The following SLC22A15 variants were observed in gnomAD, a reference collection of about 807,000 sequenced individuals.
SLC22A15 encodes flipt 1.
SLC22A15 carries 45 observed loss-of-function variants against 62.7 expected under a neutral mutation model. That is an observed-to-expected ratio of 0.72 (90% CI 0.56 to 0.92). The LOEUF is 0.92. SLC22A15 is among the 40% of genes least tolerant of loss of function. SLC22A15 has a pLI of 0.00. For missense variants in SLC22A15, 622 were observed against 665.6 expected, an observed-to-expected ratio of 0.93 and a Z score of 0.72; for synonymous variants, 264 against 267.0, an observed-to-expected ratio of 0.99 and a Z score of 0.11.
At chr1:116,062,927 G>A (rs368023102) in intron 9 of SLC22A15, 45 bp downstream of exon 9, 4 of 1,603,666 alleles carry the variant, frequency 2.5e-6, no homozygotes, top group Non-Finnish European at 3.4e-6. Context: ...TCTACACTTT[G>A]TCATCCATTC....
At chr1:116,045,838 G>T (rs1158284709) in intron 8 of SLC22A15, among the ~76,000 whole-genome samples, 2 of 151,238 alleles carry the variant, frequency 1.3e-5, no homozygotes, top group African/African-American at 4.9e-5. Context: ...ACAGAATTGA[G>T]TATGAAATAG....
chr1:116,041,272 C>T (rs1348827126), intron 8 of SLC22A15, among the ~76,000 whole-genome samples: 1 of 152,130 alleles, frequency 6.6e-6, no homozygotes, highest in Non-Finnish European at 1.5e-5. Flanking sequence ...AGATACTATT[C>T]ATAAACAAAA....
At chr1:116,053,743 G>A (rs984831399) in intron 8 of SLC22A15, among the ~76,000 whole-genome samples, 9 of 151,632 alleles carry the variant, frequency 5.9e-5, no homozygotes, top group South Asian at 2.1e-4. Flanking sequence ...GAGTGGGGGC[G>A]AATATTCAAC....
At chr1:116,025,888 C>T (rs1192306057) in intron 4 of SLC22A15, among the ~76,000 whole-genome samples, 1 of 152,148 alleles carries the variant, frequency 6.6e-6, no homozygotes, top group East Asian at 1.9e-4. Context: ...GAATATTGGG[C>T]AAGCCTGTGG....
chr1:115,996,915 T>C (rs976719269), intron 2 of SLC22A15, among the ~76,000 whole-genome samples: 3 of 152,156 alleles, frequency 2.0e-5, no homozygotes, highest in South Asian at 4.1e-4. Context: ...GACAGTCATA[T>C]AAAAAGTAAG....
intron 1 of SLC22A15, among the ~76,000 whole-genome samples, chr1:115,986,428 G>A (rs1323852129): frequency 1.3e-5 from 2 of 152,104 alleles, no homozygotes; most frequent in South Asian, 2.1e-4. Context: ...ATGATACAAA[G>A]CAATATTTCC....
intron 4 of SLC22A15, among the ~76,000 whole-genome samples, chr1:116,023,344 TTTA>T (rs1656932911): frequency 6.6e-6 from 1 of 152,162 alleles, no homozygotes; most frequent in African/African-American, 2.4e-5. Flanking sequence ...TATTAATATA[TTTA>T]TTATTTGTTT....
chr1:116,048,955 TATATC>T (rs1415183282), intron 8 of SLC22A15, among the ~76,000 whole-genome samples: 2 of 152,206 alleles, frequency 1.3e-5, no homozygotes, highest in African/African-American at 4.8e-5. Context: ...TAGCTATTCT[TATATC>T]AGACAAAACA....
chr1:116,043,913 T>C (rs1657858202), intron 8 of SLC22A15, among the ~76,000 whole-genome samples: 1 of 152,154 alleles, frequency 6.6e-6, no homozygotes, highest in African/African-American at 2.4e-5. Flanking sequence ...AACATATAGA[T>C]AACCTGAATA....
chr1:116,003,268 G>T (rs1052731396), intron 2 of SLC22A15, among the ~76,000 whole-genome samples: 5 of 152,052 alleles, frequency 3.3e-5, no homozygotes, highest in South Asian at 2.1e-4. Context: ...TCTTTTCCTG[G>T]AGCTGTGAGC....
chr1:116,041,355 A>G (rs749135660), intron 8 of SLC22A15, among the ~76,000 whole-genome samples: 1 of 152,252 alleles, frequency 6.6e-6, no homozygotes, highest in Non-Finnish European at 1.5e-5. Flanking sequence ...AATAAAAATC[A>G]GTACTATATG....
intron 8 of SLC22A15, among the ~76,000 whole-genome samples, chr1:116,051,703 A>G (rs1002117813): frequency 2.6e-5 from 4 of 152,218 alleles, no homozygotes; most frequent in Non-Finnish European, 5.9e-5. Flanking sequence ...AAAAACAAAG[A>G]TAAATAGTTG....
intron 1 of SLC22A15, among the ~76,000 whole-genome samples, chr1:115,987,905 A>G (rs781634031): frequency 1.3e-5 from 2 of 152,186 alleles, no homozygotes; most frequent in Non-Finnish European, 2.9e-5. Flanking sequence ...ATTGTACTGA[A>G]CCATGACTTC....
intron 8 of SLC22A15, among the ~76,000 whole-genome samples, chr1:116,038,067 C>T (rs1221991534): frequency 6.6e-6 from 1 of 152,156 alleles, no homozygotes; most frequent in African/African-American, 2.4e-5. Flanking sequence ...CACTAGCACA[C>T]CTGAGGTATG....
At chr1:116,065,659 TC>T (rs71582559) in intron 10 of SLC22A15, among the ~76,000 whole-genome samples, 10,191 of 152,002 alleles carry the variant, frequency 0.067, 490 homozygotes, top group Non-Finnish European at 0.1. Flanking sequence ...CTCCCCCTTC[TC>T]CCTTTTCCAC....
chr1:116,043,820 G>A (rs1315037185), intron 8 of SLC22A15, among the ~76,000 whole-genome samples: 2 of 152,092 alleles, frequency 1.3e-5, no homozygotes, highest in Non-Finnish European at 2.9e-5. Flanking sequence ...GGAATATTAT[G>A]AACATTTTTA....
chr1:116,022,616 G>T (rs1046098943), intron 4 of SLC22A15, among the ~76,000 whole-genome samples: 10 of 152,144 alleles, frequency 6.6e-5, no homozygotes, highest in African/African-American at 2.4e-4. Flanking sequence ...CATGTGTTAG[G>T]GGAAAGGACC....
chr1:115,999,079 C>T (rs1472288561), intron 2 of SLC22A15, among the ~76,000 whole-genome samples: 2 of 152,074 alleles, frequency 1.3e-5, no homozygotes, highest in African/African-American at 4.8e-5. Context: ...GTGTTTGTAT[C>T]GTTTTCAAAG....
rs1475910425 is a variant in SLC22A15, at chr1:116,028,270, G to A, written c.728+1248G>A. 3.3e-5 allele frequency among the ~76,000 whole-genome samples: 5 copies of A among 152,108 alleles called. No homozygotes were observed. In the East Asian group the frequency reaches 9.6e-4, roughly 29 times the overall value. On this transcript the variant is annotated intron_variant, in intron 5 of 11. Coordinates refer to ENST00000369503, the MANE Select transcript of SLC22A15 (RefSeq NM_018420.3). ...TGTATTTTTAGTTATATGAATTTGA[G>A]TGAGATAATTTTATTAGAAGAGGAA...
Sources: allele counts gnomAD v4.1 joint callset (sites outside exome capture counted in the v4.1 genomes callset), GRCh38; gene constraint gnomAD v4.1.1; transcripts MANE v1.5; gene names NCBI Gene and HGNC (gene_info 2026-07-23, HGNC 2026-07-21).